Variants in MED12L observed in about 807,000 individuals in gnomAD.
The protein encoded by MED12L is mediator of RNA polymerase II transcription subunit 12-like protein.
MED12L carries 60 observed loss-of-function variants against 281.3 expected under a neutral mutation model. That is an observed-to-expected ratio of 0.21 (90% CI 0.17 to 0.26). The LOEUF (loss-of-function observed/expected upper bound fraction) is 0.26. Among genes scored for constraint, MED12L ranks in the 10% least tolerant of loss-of-function variants. MED12L has a pLI of 1.00. For synonymous variants in MED12L, 974 were observed against 987.2 expected, an observed-to-expected ratio of 0.99 and a Z score of 0.25; for missense variants, 2,146 against 2,680.9, an observed-to-expected ratio of 0.80 and a Z score of 4.41.
intron 11 of MED12L, among the ~76,000 whole-genome samples, chr3:151,177,551 A>G (rs1722199870): frequency 6.6e-6 from 1 of 152,180 alleles, no homozygotes. Flanking sequence ...ACTGTCGCCT[A>G]CAATCATATC....
chr3:151,183,816 C>T (rs1167047065), intron 11 of MED12L, among the ~76,000 whole-genome samples: 1 of 151,726 alleles, frequency 6.6e-6, no homozygotes, highest in Non-Finnish European at 1.5e-5. Context: ...CCTGAAGATG[C>T]AGGAGAAAAA....
chr3:151,402,079 A>T (rs908584221), intron 39 of MED12L, among the ~76,000 whole-genome samples: 16 of 152,210 alleles, frequency 1.1e-4, no homozygotes, highest in African/African-American at 3.9e-4. Flanking sequence ...GCAATCAATT[A>T]TGTACCTATA....
In MED12L at chr3:151,247,278, A is replaced by G. The variant is rs1269323947; in HGVS notation, c.2250+53612A>G. Among the ~76,000 whole-genome samples the G allele has an allele frequency of 3.9e-5, 6 of 152,142 alleles. No homozygotes were observed. In the South Asian group the frequency reaches 1.2e-3, roughly 32 times the overall value. On this transcript the variant is annotated intron_variant, in intron 16 of 44. Transcript: ENST00000687756. ...CCATTACTGGGTATATACCCAAAGG[A>G]TTATAAATCATGCTGCTATAAAGAC...
At chr3:151,194,105 AC>A (rs1724336741) in intron 16 of MED12L, among the ~76,000 whole-genome samples, 1 of 151,242 alleles carries the variant, frequency 6.6e-6, no homozygotes, top group Non-Finnish European at 1.5e-5. Flanking sequence ...AGCTGGGATT[AC>A]AGGCACCTGC....
At chr3:151,253,178 T>C (rs970417321) in intron 16 of MED12L, among the ~76,000 whole-genome samples, 1 of 152,194 alleles carries the variant, frequency 6.6e-6, no homozygotes, top group African/African-American at 2.4e-5. Context: ...TGTATAGTGA[T>C]ATAAATGTCA....
At chr3:151,164,239 T>C (rs996762803) in intron 9 of MED12L, among the ~76,000 whole-genome samples, 197 bp downstream of exon 9, 2 of 152,242 alleles carry the variant, frequency 1.3e-5, no homozygotes, top group African/African-American at 2.4e-5. Flanking sequence ...TCCCTTTCTT[T>C]TCACTGTCTT....
chr3:151,346,644 T>C (rs142390609), intron 16 of MED12L, among the ~76,000 whole-genome samples: 159 of 152,294 alleles, frequency 1.0e-3, no homozygotes, highest in African/African-American at 3.4e-3. Context: ...CCCTGAATTA[T>C]AGTATCTTGT....
chr3:151,360,666 T>C, intron 21 of MED12L, 61 bp downstream of exon 21: 1 of 1,444,704 alleles, frequency 6.9e-7, no homozygotes, highest in Non-Finnish European at 9.5e-7. Context: ...TTAGTGACCC[T>C]GACAATATTG....
chr3:151,269,413 A>T (rs1740451088), intron 16 of MED12L: 2 of 130,926 alleles, frequency 1.5e-5, no homozygotes, highest in South Asian at 3.5e-4. Context: ...ACACACACAC[A>T]CACACACACA....
chr3:151,135,723 T>TG (rs1415062587), intron 5 of MED12L, among the ~76,000 whole-genome samples: 2 of 152,150 alleles, frequency 1.3e-5, no homozygotes, highest in Non-Finnish European at 2.9e-5. Context: ...GGTGGAAAGA[T>TG]GCTGGCAGGA....
Position 151,435,037 on chromosome 3 carries a change from G to GTTAA in MED12L, c.*2236_*2239dup, listed in dbSNP as rs1472128512. The GTTAA allele has an allele frequency of 3.7e-5, 5 of 136,430 alleles. No homozygotes were observed. The highest frequency in any genetic ancestry group is 5.5e-5 in the African/African-American group (2 of 36,600). 8.5% of individuals were successfully genotyped at this position (136,430 alleles called of 1,614,324 possible). ...ACTTTAGTCTTCAGATTTTCTCCCTGTTAATTCTGTATCTTGAGAGGTTTC... is the reference window on the plus strand; with the variant it reads ...ACTTTAGTCTTCAGATTTTCTCCCTGTTAATTAATTCTGTATCTTGAGAGGTTTC... On this transcript the variant is annotated 3_prime_UTR_variant, in exon 45 of 45. Transcript: ENST00000687756.
chr3:151,100,874 T>C (rs547229419), intron 2 of MED12L, among the ~76,000 whole-genome samples: 2 of 152,212 alleles, frequency 1.3e-5, no homozygotes, highest in South Asian at 4.1e-4. Flanking sequence ...GATATGGGGG[T>C]GTAGAAAAGA....
At chr3:151,431,872 G>T (rs923372057) in intron 44 of MED12L, among the ~76,000 whole-genome samples, 3 of 152,132 alleles carry the variant, frequency 2.0e-5, no homozygotes, top group Non-Finnish European at 4.4e-5. Flanking sequence ...TATTATTACT[G>T]TTCCCACATT....
chr3:151,231,750 G>T (rs1489043382), intron 16 of MED12L, among the ~76,000 whole-genome samples: 2 of 152,182 alleles, frequency 1.3e-5, no homozygotes, highest in East Asian at 3.8e-4. Flanking sequence ...TCTGAATACA[G>T]ATTCTAGATT....
Position 151,248,137 on chromosome 3 carries a change from A to G in MED12L, c.2250+54471A>G, listed in dbSNP as rs150738688. Among the ~76,000 whole-genome samples, 10 of 152,138 alleles carry G rather than the reference A, an allele frequency of 6.6e-5. No homozygotes were observed. In the East Asian group the frequency reaches 1.9e-3, roughly 29 times the overall value. ...TGCCATCCACAAGTTAAAACAAAAA[A>G]TGCTATGAATGTTTGTTATTTAAAT... On this transcript the variant is annotated intron_variant, in intron 16 of 44. Transcript: ENST00000687756.
chr3:151,170,277 CTT>C (rs113849929), intron 11 of MED12L, among the ~76,000 whole-genome samples: 12 of 137,714 alleles, frequency 8.7e-5, no homozygotes, highest in Admixed American at 2.2e-4. Flanking sequence ...TTTTCTTTTT[CTT>C]TTTTTTTTTT....
chr3:151,344,808 A>G (rs897269261), intron 16 of MED12L, among the ~76,000 whole-genome samples: 3 of 152,228 alleles, frequency 2.0e-5, no homozygotes, highest in East Asian at 1.9e-4. Context: ...TAAAAATTCT[A>G]TGATAATTGA....
At chr3:151,375,466 C>A (rs372894469) in intron 27 of MED12L, among the ~76,000 whole-genome samples, 4 of 152,244 alleles carry the variant, frequency 2.6e-5, no homozygotes, top group African/African-American at 7.2e-5. Context: ...TATAGCCCCC[C>A]ACTCACACTG....
intron 2 of MED12L, among the ~76,000 whole-genome samples, chr3:151,103,856 A>G (rs1721679446): frequency 6.6e-6 from 1 of 152,146 alleles, no homozygotes; most frequent in South Asian, 2.1e-4. Flanking sequence ...CTTGCTTCTC[A>G]TATGGCCACC....
Sources: gnomAD v4.1 joint callset for allele counts (sites outside exome capture counted in the v4.1 genomes callset) on GRCh38, gnomAD v4.1.1 for gene constraint, MANE v1.5 for transcripts, NCBI Gene and HGNC (gene_info 2026-07-23, HGNC 2026-07-21) for gene names.